C3orf49: variants seen among roughly 807,000 people sequenced by gnomAD.
C3orf49 encodes the protein chromosome 3 open reading frame 49.
Under a neutral mutation model 13.3 loss-of-function variants are expected in C3orf49, and 27 were observed. The observed-to-expected ratio is 2.02, with a 90% confidence interval of 1.49 to 2.79. The LOEUF (loss-of-function observed/expected upper bound fraction) is 2.79. Among genes scored for constraint, C3orf49 ranks in the 30% most tolerant of loss-of-function variants. The probability of loss-of-function intolerance (pLI) is 0.00; values close to 1 mark genes in which losing one functional copy is unlikely to be tolerated. For synonymous variants in C3orf49, 87 were observed against 47.6 expected, an observed-to-expected ratio of 1.83 and a Z score of -3.40; for missense variants, 242 against 134.2, an observed-to-expected ratio of 1.80 and a Z score of -3.97.
chr3:63,784,029 G>T, the C3orf49 span, among the ~76,000 whole-genome samples: 3 of 152,076 alleles, frequency 2.0e-5, no homozygotes, highest in Non-Finnish European at 4.4e-5. Context: ...TCACTTAAAG[G>T]TCTGCTCAGT....
rs1448595065 is a variant in C3orf49, at chr3:63,831,832, T to C, written c.837T>C (p.Tyr279=). 3 of 695,616 alleles carry C rather than the reference T, an allele frequency of 4.3e-6. No individual in the cohort carries two copies. Among genetic ancestry groups the C allele is most frequent in the Non-Finnish European group, 7.8e-6 (3 of 383,226 alleles). The allele number at this position is 695,616 out of a possible 1,614,324, so 43.1% of individuals were successfully genotyped here. A position where few individuals can be genotyped will look rare whatever the true frequency, so the allele number is the denominator to read the frequency against. ...TATCCAAGAGAACCATGAGGAAGTA[T>C]AAATTAAAAAATGTGTGTTTCCCAT... The part of the protein sequence containing the change: ...QRISKRTMRK[Y]KLKNMTTKGP... Residue 279 remains tyrosine, a synonymous_variant, in exon 5 of 7, where the codon TAT becomes TAC. Coordinates refer to ENST00000295896, the MANE Select transcript of C3orf49 (RefSeq NM_001355236.2).
the C3orf49 span, among the ~76,000 whole-genome samples, chr3:63,794,548 G>T: frequency 6.6e-6 from 1 of 151,768 alleles, no homozygotes. Context: ...GCTCACTATG[G>T]CTACTTTCCT....
intron 1 of C3orf49, among the ~76,000 whole-genome samples, chr3:63,819,835 A>G (rs1268770230): frequency 6.6e-6 from 1 of 152,208 alleles, no homozygotes; most frequent in Non-Finnish European, 1.5e-5. Context: ...AATGTGGCAT[A>G]GGAGACTAAA....
rs1701911274 is a variant in C3orf49, at chr3:63,846,980, T to C, written c.*31-1384T>C. Among the ~76,000 whole-genome samples, 4 of 152,146 alleles carry C rather than the reference T, an allele frequency of 2.6e-5. 1 individual carries two copies. In the South Asian group the frequency reaches 8.3e-4, roughly 32 times the overall value. ...GACATTTGGGCCTGTCCTAGGGTGC[T>C]TCCCCAAATAAGCAATCCCTAAAAC... On this transcript the variant is annotated intron_variant, in intron 6 of 6. Transcript: ENST00000295896.
At chr3:63,816,307 GT>G (rs750454827), upstream of C3orf49, among the ~76,000 whole-genome samples, 3 of 151,808 alleles carry the variant, frequency 2.0e-5, no homozygotes, top group Non-Finnish European at 2.9e-5. Flanking sequence ...ATATGAACAA[GT>G]TCCCTAAAAA....
chr3:63,832,117 C>T (rs1701541522), intron 5 of C3orf49: 1 of 305,320 alleles, frequency 3.3e-6, no homozygotes, highest in Non-Finnish European at 6.0e-6. Context: ...TTGCTTGAAC[C>T]TGGGAGGCAG....
At chr3:63,794,081 G>C in the C3orf49 span, among the ~76,000 whole-genome samples, 1 of 151,898 alleles carries the variant, frequency 6.6e-6, no homozygotes, top group Non-Finnish European at 1.5e-5. Flanking sequence ...CCTGAGCCTG[G>C]GAGGTTGAGA....
In C3orf49 at chr3:63,819,381, A is replaced by G. The variant is rs776191994; in HGVS notation, c.-91A>G. On this transcript the variant is annotated 5_prime_UTR_variant, in exon 1 of 7. Coordinates refer to ENST00000295896, the MANE Select transcript of C3orf49 (RefSeq NM_001355236.2). ...TCCGAATAGCCCACACCTTGACAGT[A>G]CATTCAGTCACTGGATGATTTTGTA... 7.1e-5 allele frequency: 47 copies of G among 659,042 alleles called. No homozygotes were observed. The highest frequency in any genetic ancestry group is 1.9e-4 in the Admixed American group (8 of 42,728). 40.8% of individuals were successfully genotyped at this position (659,042 alleles called of 1,614,324 possible).
At chr3:63,834,184 G>A in intron 5 of C3orf49, 2 of 1,613,994 alleles carry the variant, frequency 1.2e-6, no homozygotes, top group South Asian at 1.1e-5. Flanking sequence ...TTCTACCTCT[G>A]AGAGTTTTTC....
chr3:63,819,108 G>T (rs1039599505), upstream of C3orf49, among the ~76,000 whole-genome samples: 1 of 152,018 alleles, frequency 6.6e-6, no homozygotes, highest in South Asian at 2.1e-4. Flanking sequence ...TGTTGTTGTT[G>T]TTGTTGTTTG....
the C3orf49 span, among the ~76,000 whole-genome samples, chr3:63,780,522 C>A: frequency 6.6e-6 from 1 of 152,162 alleles, no homozygotes; most frequent in Non-Finnish European, 1.5e-5. Context: ...ATGGCTGGGA[C>A]AAATGGTATT....
At chr3:63,842,552 C>T (rs913926163) in intron 5 of C3orf49, among the ~76,000 whole-genome samples, 1 of 152,120 alleles carries the variant, frequency 6.6e-6, no homozygotes, top group East Asian at 1.9e-4. Context: ...TCTGCAGCAA[C>T]CTGGATGGAG....
At chr3:63,825,724 C>T (rs1701457958) in intron 2 of C3orf49, among the ~76,000 whole-genome samples, 1 of 152,204 alleles carries the variant, frequency 6.6e-6, no homozygotes, top group South Asian at 2.1e-4. Context: ...CAAATATCTG[C>T]TAAGTACTTA....
At chr3:63,787,507 A>G in the C3orf49 span, among the ~76,000 whole-genome samples, 1 of 149,102 alleles carries the variant, frequency 6.7e-6, no homozygotes, top group Non-Finnish European at 1.5e-5. Context: ...CATCTTCATG[A>G]GGTTTAATTT....
chr3:63,807,767 G>A, the C3orf49 span, among the ~76,000 whole-genome samples: 1 of 145,332 alleles, frequency 6.9e-6, no homozygotes, highest in African/African-American at 2.5e-5. Flanking sequence ...TGAGACAGGA[G>A]AATCACTTGA....
intron 6 of C3orf49, among the ~76,000 whole-genome samples, chr3:63,846,598 C>T (rs966007905): frequency 1.3e-5 from 2 of 151,990 alleles, no homozygotes; most frequent in East Asian, 1.9e-4. Flanking sequence ...TTAGTAGAGA[C>T]GTGGTTTTAC....
chr3:63,814,129 G>C, the C3orf49 span, among the ~76,000 whole-genome samples: 1 of 152,126 alleles, frequency 6.6e-6, no homozygotes, highest in Non-Finnish European at 1.5e-5. Flanking sequence ...GAATGCTTGT[G>C]AGTATGTTTA....
At chr3:63,829,285 T>A (rs138258551) in intron 3 of C3orf49, among the ~76,000 whole-genome samples, 2 of 152,182 alleles carry the variant, frequency 1.3e-5, no homozygotes, top group Non-Finnish European at 2.9e-5. Flanking sequence ...ATAGAGGAGA[T>A]AGACATTAAA....
the C3orf49 span, among the ~76,000 whole-genome samples, chr3:63,806,058 G>A: frequency 6.6e-5 from 10 of 152,142 alleles, no homozygotes. Flanking sequence ...TCTGCCTGGA[G>A]AGCAGCTTCT....
Sources: allele counts gnomAD v4.1 joint callset (sites outside exome capture counted in the v4.1 genomes callset), GRCh38; gene constraint gnomAD v4.1.1; transcripts MANE v1.5; gene names NCBI Gene and HGNC (gene_info 2026-07-23, HGNC 2026-07-21).